Variants in ROBO1 observed in about 807,000 individuals in gnomAD.
ROBO1 encodes roundabout homolog 1.
A neutral mutation model predicts 195.9 loss-of-function variants in ROBO1; 149 were observed. The ratio of observed to expected loss-of-function variants is 0.76; its 90% confidence interval spans 0.67 to 0.87. The LOEUF (loss-of-function observed/expected upper bound fraction) is 0.87. Ranked by LOEUF, ROBO1 falls within the 40% of genes least tolerant of loss-of-function variation. The probability of loss-of-function intolerance (pLI) is 0.00; values close to 1 mark genes in which losing one functional copy is unlikely to be tolerated. For synonymous variants in ROBO1, 816 were observed against 733.2 expected (o/e 1.11, Z -1.82); for missense variants, 1,933 against 2,068.3 (o/e 0.93, Z 1.27).
intron 3 of ROBO1, among the ~76,000 whole-genome samples, chr3:79,010,399 T>C (rs1281446711): frequency 6.6e-6 from 1 of 152,140 alleles, no homozygotes; most frequent in East Asian, 1.9e-4. Context: ...ACACATTCAT[T>C]TCTAATATGA....
At chr3:78,722,992 C>G (rs537857530) in intron 5 of ROBO1, among the ~76,000 whole-genome samples, 351 of 152,146 alleles carry the variant, frequency 2.3e-3, no homozygotes, top group Non-Finnish European at 4.0e-3. Context: ...TGTTTTTGAT[C>G]TGTCTAATCA....
intron 3 of ROBO1, among the ~76,000 whole-genome samples, chr3:79,059,037 A>G (rs1373735892): frequency 6.6e-6 from 1 of 152,090 alleles, no homozygotes; most frequent in African/African-American, 2.4e-5. Flanking sequence ...GGCTAATCAA[A>G]TTAATGATTT....
intron 2 of ROBO1, among the ~76,000 whole-genome samples, chr3:79,552,688 G>C (rs961545177): frequency 6.6e-6 from 1 of 152,060 alleles, no homozygotes; most frequent in South Asian, 2.1e-4. Flanking sequence ...ACAATTATTA[G>C]CCTGGCATTG....
chr3:79,760,260 A>AAAAAAAAAAAAAAAAAAAAAAT (rs1704622148), intron 1 of ROBO1, among the ~76,000 whole-genome samples: 1 of 146,318 alleles, frequency 6.8e-6, no homozygotes, highest in Non-Finnish European at 1.5e-5. Flanking sequence ...AAAAAAAAAA[A>AAAAAAAAAAAAAAAAAAAAAAT]AAAAAAAAAA....
intron 2 of ROBO1, among the ~76,000 whole-genome samples, chr3:79,575,082 A>G (rs1418943217): frequency 4.2e-5 from 6 of 144,498 alleles, no homozygotes; most frequent in South Asian, 2.1e-4. Context: ...GTGTTTTTAA[A>G]CAAGGAAATG....
At chr3:78,724,433 C>T (rs1204690408) in intron 5 of ROBO1, among the ~76,000 whole-genome samples, 6 of 147,226 alleles carry the variant, frequency 4.1e-5, no homozygotes, top group Non-Finnish European at 5.9e-5. Flanking sequence ...CCCAGCACTT[C>T]GGGAGGCAGA....
chr3:79,560,747 T>C (rs905228812), intron 2 of ROBO1, among the ~76,000 whole-genome samples: 11 of 151,870 alleles, frequency 7.2e-5, no homozygotes, highest in Non-Finnish European at 1.5e-4. Context: ...AGGAATTTCA[T>C]GTGTATATAA....
intron 3 of ROBO1, among the ~76,000 whole-genome samples, chr3:78,963,507 T>C (rs867623893): frequency 1.6e-4 from 20 of 121,856 alleles, no homozygotes; most frequent in African/African-American, 5.3e-4. Context: ...TTTTTTTTTT[T>C]TTTTTTTTTT....
chr3:79,042,421 C>G lies in ROBO1; in HGVS notation c.172+83035G>C, dbSNP rs563942417. Reference sequence around the variant, plus strand: ...GGTAAATATTCCGATGGCGGTCGCACAGCTGACAAAGATTAGACCCTGCTT... The same window carrying G: ...GGTAAATATTCCGATGGCGGTCGCAGAGCTGACAAAGATTAGACCCTGCTT... On this transcript the variant is annotated intron_variant, in intron 3 of 30. Coordinates refer to ENST00000464233, the MANE Select transcript of ROBO1 (RefSeq NM_002941.4). 1.1e-4 allele frequency among the ~76,000 whole-genome samples: 16 copies of G among 152,238 alleles called. No individual in the cohort carries two copies. In the South Asian group the frequency reaches 2.9e-3, roughly 28 times the overall value.
rs542555079 is a variant in ROBO1 at position 79,200,821 on chromosome 3, T to A, written c.89-75282A>T. ...CAAGCTTAGTTCAAAAACATTTTTT[T>A]AAAAAATCTTTTGTAGTTATAGTTA... On this transcript the variant is annotated intron_variant, in intron 2 of 30. Coordinates refer to ENST00000464233, the MANE Select transcript of ROBO1 (RefSeq NM_002941.4). 5.9e-4 allele frequency among the ~76,000 whole-genome samples: 89 copies of A among 152,108 alleles called. 1 individual carries two copies. The highest frequency in any genetic ancestry group is 2.9e-3 in the South Asian group (14 of 4,832).
chr3:78,967,772 C>T (rs1307424572), intron 3 of ROBO1, among the ~76,000 whole-genome samples: 1 of 152,024 alleles, frequency 6.6e-6, no homozygotes, highest in African/African-American at 2.4e-5. Flanking sequence ...ACATTATATA[C>T]AGCAAAATGA....
intron 2 of ROBO1, among the ~76,000 whole-genome samples, chr3:79,482,961 T>C (rs1004742384): frequency 4.6e-5 from 7 of 152,172 alleles, no homozygotes; most frequent in Non-Finnish European, 8.8e-5. Flanking sequence ...ATCTGCAACA[T>C]GGCCGAGTCA....
At chr3:79,551,309 GTA>G (rs1394105444) in intron 2 of ROBO1, among the ~76,000 whole-genome samples, 1 of 151,548 alleles carries the variant, frequency 6.6e-6, no homozygotes, top group Non-Finnish European at 1.5e-5. Flanking sequence ...TTAGCATTAG[GTA>G]TATCTCCTAA....
chr3:79,332,996 G>A (rs2034509705), intron 2 of ROBO1, among the ~76,000 whole-genome samples: 2 of 152,098 alleles, frequency 1.3e-5, no homozygotes, highest in Admixed American at 1.3e-4. Context: ...GATGTCAGGA[G>A]TTCGAGACCA....
chr3:79,285,381 A>G (rs928185118), intron 2 of ROBO1, among the ~76,000 whole-genome samples: 3 of 152,218 alleles, frequency 2.0e-5, no homozygotes, highest in African/African-American at 7.2e-5. Flanking sequence ...GCATTACTAA[A>G]TAGGTCAAAG....
intron 1 of ROBO1, among the ~76,000 whole-genome samples, chr3:79,620,175 A>C (rs1944960247): frequency 6.6e-6 from 1 of 152,076 alleles, no homozygotes; most frequent in South Asian, 2.1e-4. Context: ...GCGGGACCCC[A>C]CTGGAAATTG....
intron 1 of ROBO1, among the ~76,000 whole-genome samples, chr3:79,737,128 C>T (rs1246162408): frequency 2.0e-5 from 3 of 152,248 alleles, no homozygotes; most frequent in Admixed American, 6.5e-5. Context: ...AGCTCACTCT[C>T]TGCTGGGAGA....
At chr3:78,986,311 G>C (rs1205015857) in intron 3 of ROBO1, among the ~76,000 whole-genome samples, 2 of 152,112 alleles carry the variant, frequency 1.3e-5, no homozygotes, top group Non-Finnish European at 2.9e-5. Context: ...TAACATGCTT[G>C]GGTCACTAGC....
intron 1 of ROBO1, among the ~76,000 whole-genome samples, chr3:79,655,797 A>G (rs1946140478): frequency 6.6e-6 from 1 of 152,070 alleles, no homozygotes; most frequent in Non-Finnish European, 1.5e-5. Context: ...TTTGACCGAG[A>G]TGTGTTCCCT....
Sources: gnomAD v4.1 joint callset for allele counts (sites outside exome capture counted in the v4.1 genomes callset) on GRCh38, gnomAD v4.1.1 for gene constraint, MANE v1.5 for transcripts, NCBI Gene and HGNC (gene_info 2026-07-23, HGNC 2026-07-21) for gene names.